Variants in FILIP1L observed in about 807,000 individuals in gnomAD.
FILIP1L encodes filamin A-interacting protein 1-like.
In FILIP1L, 55 loss-of-function variants were observed where a neutral mutation model predicts 96.6. The observed-to-expected ratio is 0.57, with a 90% confidence interval of 0.46 to 0.71. The LOEUF is 0.71. Ranked by LOEUF, FILIP1L falls within the 30% of genes least tolerant of loss-of-function variation. The pLI, the probability that FILIP1L is intolerant of heterozygous loss-of-function variation, is 0.00. For synonymous variants in FILIP1L, 467 were observed against 473.9 expected (o/e 0.99, Z 0.19); for missense variants, 1,304 against 1,321.2 (o/e 0.99, Z 0.20).
intron 1 of FILIP1L, among the ~76,000 whole-genome samples, chr3:100,000,962 A>G (rs900417901): frequency 6.6e-6 from 1 of 152,218 alleles, no homozygotes; most frequent in African/African-American, 2.4e-5. Context: ...AATGCCAACT[A>G]TGTTTTCTAT....
At chr3:99,909,656 G>A (rs907472009) in intron 4 of FILIP1L, among the ~76,000 whole-genome samples, 3 of 152,130 alleles carry the variant, frequency 2.0e-5, no homozygotes, top group African/African-American at 7.2e-5. Context: ...GGTATCAAGT[G>A]TGTCATGTTT....
At chr3:99,923,164 G>T (rs1248513038) in intron 4 of FILIP1L, among the ~76,000 whole-genome samples, 5 of 151,656 alleles carry the variant, frequency 3.3e-5, no homozygotes, top group Non-Finnish European at 1.5e-5. Flanking sequence ...ATGTATTCTA[G>T]GGTTCCCTTT....
intron 1 of FILIP1L, among the ~76,000 whole-genome samples, chr3:100,012,304 TGTATAAAAATAATTTCA>T (rs1264734625): frequency 6.6e-6 from 1 of 152,214 alleles, no homozygotes; most frequent in East Asian, 1.9e-4. Context: ...AAATATGAGA[TGTATAAAAATAATTTCA>T]GTGCTGTTTC....
chr3:99,866,716 A>G (rs1234921794), intron 4 of FILIP1L, among the ~76,000 whole-genome samples: 3 of 152,114 alleles, frequency 2.0e-5, no homozygotes, highest in Non-Finnish European at 2.9e-5. Flanking sequence ...TCCTACTTCT[A>G]CCTTTACCCA....
chr3:99,926,672 A>G (rs1707302321), intron 3 of FILIP1L, among the ~76,000 whole-genome samples: 1 of 152,246 alleles, frequency 6.6e-6, no homozygotes, highest in African/African-American at 2.4e-5. Context: ...TGAATTACTA[A>G]AAGAGGCTTT....
At chr3:100,092,725 C>T (rs756981546) in intron 1 of FILIP1L, among the ~76,000 whole-genome samples, 18 of 149,952 alleles carry the variant, frequency 1.2e-4, no homozygotes, top group Non-Finnish European at 2.4e-4. Flanking sequence ...AAAAAATATT[C>T]ATACTTACTC....
chr3:100,068,962 G>A (rs1365602764), intron 1 of FILIP1L, among the ~76,000 whole-genome samples: 1 of 152,180 alleles, frequency 6.6e-6, no homozygotes, highest in African/African-American at 2.4e-5. Context: ...CTGTGAAATA[G>A]AGGGACATGA....
intron 1 of FILIP1L, among the ~76,000 whole-genome samples, chr3:100,014,891 C>CTTTTTTTTT (rs1710284139): frequency 7.3e-5 from 2 of 27,228 alleles, no homozygotes; most frequent in Non-Finnish European, 6.9e-5. Context: ...TTTTTTCTTT[C>CTTTTTTTTT]TTTCTTTTTT....
intron 4 of FILIP1L, among the ~76,000 whole-genome samples, chr3:99,857,827 G>C (rs976211480): frequency 6.6e-6 from 1 of 152,126 alleles, no homozygotes; most frequent in African/African-American, 2.4e-5. Context: ...TTTTCACTAT[G>C]TTCACTATGT....
intron 1 of FILIP1L, among the ~76,000 whole-genome samples, chr3:100,085,873 G>A (rs949269355): frequency 6.6e-6 from 1 of 152,206 alleles, no homozygotes. Context: ...TTTTCATGAA[G>A]AGTAATATAC....
At chr3:100,064,947 AT>A (rs1215112834) in intron 1 of FILIP1L, among the ~76,000 whole-genome samples, 1 of 152,212 alleles carries the variant, frequency 6.6e-6, no homozygotes, top group African/African-American at 2.4e-5. Context: ...TGCAATGTAT[AT>A]CTACTAACAT....
intron 1 of FILIP1L, among the ~76,000 whole-genome samples, chr3:100,059,465 A>AT (rs771283886): frequency 1.6e-4 from 24 of 151,040 alleles, no homozygotes; most frequent in East Asian, 1.2e-3. Context: ...TTCAGGAAGC[A>AT]TTTTTTTTTA....
intron 1 of FILIP1L, among the ~76,000 whole-genome samples, chr3:100,035,872 T>A (rs1358794152): frequency 2.0e-5 from 3 of 152,188 alleles, no homozygotes; most frequent in Non-Finnish European, 4.4e-5. Flanking sequence ...TGAAAGCAAA[T>A]CACATACATG....
chr3:99,951,911 G>T (rs930844761), intron 1 of FILIP1L, among the ~76,000 whole-genome samples: 1 of 152,186 alleles, frequency 6.6e-6, no homozygotes, highest in Non-Finnish European at 1.5e-5. Context: ...GCCATATTTT[G>T]CTGACCCTTG....
At chr3:100,093,703 C>T (rs2066153493) in intron 1 of FILIP1L, among the ~76,000 whole-genome samples, 1 of 152,156 alleles carries the variant, frequency 6.6e-6, no homozygotes, top group Non-Finnish European at 1.5e-5. Flanking sequence ...CCATTTTCCT[C>T]CCATCCCCTA....
At chr3:99,854,748 G>T (rs1018403066) in intron 4 of FILIP1L, among the ~76,000 whole-genome samples, 2 of 152,164 alleles carry the variant, frequency 1.3e-5, no homozygotes, top group African/African-American at 4.8e-5. Flanking sequence ...TGGCATGTGT[G>T]TATGTCAGTC....
chr3:99,832,839 C>CAA (rs771543470), intron 5 of FILIP1L, among the ~76,000 whole-genome samples: 10 of 47,370 alleles, frequency 2.1e-4, no homozygotes, highest in African/African-American at 3.1e-4. Flanking sequence ...GACTCTGTCT[C>CAA]AAAAAAAAAA....
chr3:100,024,390 G>A (rs2064880935), intron 1 of FILIP1L, among the ~76,000 whole-genome samples: 1 of 152,114 alleles, frequency 6.6e-6, no homozygotes, highest in South Asian at 2.1e-4. Flanking sequence ...AGAGCAGACT[G>A]TAGAAGGAAT....
intron 1 of FILIP1L, among the ~76,000 whole-genome samples, chr3:100,106,936 G>A (rs2066406184): frequency 1.3e-5 from 2 of 152,110 alleles, no homozygotes; most frequent in African/African-American, 2.4e-5. Context: ...ATATTTTCTG[G>A]TCAGTAGATG....
Sources: gnomAD v4.1 joint callset for allele counts (sites outside exome capture counted in the v4.1 genomes callset) on GRCh38, gnomAD v4.1.1 for gene constraint, MANE v1.5 for transcripts, NCBI Gene and HGNC (gene_info 2026-07-23, HGNC 2026-07-21) for gene names.